The following ADCY2 variants were observed in gnomAD, a reference collection of about 807,000 sequenced individuals.
ADCY2 encodes the protein adenylate cyclase 2, also known as adenylate cyclase type 2.
Under a neutral mutation model 125.2 loss-of-function variants are expected in ADCY2, and 31 were observed. The observed-to-expected ratio is 0.25, with a 90% CI of 0.19 to 0.33. The LOEUF (loss-of-function observed/expected upper bound fraction) is 0.33, where lower values mean the gene tolerates loss of function less well. Ranked by LOEUF, ADCY2 falls within the 10% of genes least tolerant of loss-of-function variation. The pLI is 1.00. For missense variants in ADCY2, 904 were observed against 1,418.2 expected, an observed-to-expected ratio of 0.64 and a Z score of 5.82; for synonymous variants, 512 against 548.4, an observed-to-expected ratio of 0.93 and a Z score of 0.93.
intron 2 of ADCY2, among the ~76,000 whole-genome samples, chr5:7,420,746 T>C (rs1740170408): frequency 6.6e-6 from 1 of 152,190 alleles, no homozygotes; most frequent in Non-Finnish European, 1.5e-5. Context: ...CGGGGCAGCA[T>C]TTGCATTTGA....
At chr5:7,727,541 C>A (rs189770188) in intron 14 of ADCY2, among the ~76,000 whole-genome samples, 6 of 152,182 alleles carry the variant, frequency 3.9e-5, no homozygotes, top group African/African-American at 1.4e-4. Context: ...TACTCTGATG[C>A]GCAGTCTAGG....
At chr5:7,459,046 G>C (rs1050182483) in intron 2 of ADCY2, among the ~76,000 whole-genome samples, 2 of 152,188 alleles carry the variant, frequency 1.3e-5, no homozygotes, top group African/African-American at 4.8e-5. Context: ...TCTGTGCGTT[G>C]GCTGGGATTT....
chr5:7,581,477 A>T (rs1239891308), intron 3 of ADCY2, among the ~76,000 whole-genome samples: 2 of 150,454 alleles, frequency 1.3e-5, no homozygotes, highest in African/African-American at 2.4e-5. Flanking sequence ...AATCCAATCA[A>T]TTAATTGAAA....
intron 4 of ADCY2, among the ~76,000 whole-genome samples, chr5:7,640,623 T>C (rs140863304): frequency 1.8e-4 from 28 of 152,356 alleles, no homozygotes; most frequent in Middle Eastern, 3.4e-3. Flanking sequence ...GTTTCTCATG[T>C]AAATTAGCAT....
At position 7,641,231 on chromosome 5, in the gene ADCY2, A is replaced by T. The variant is rs141520600; in HGVS notation, c.720+14915A>T. Among the ~76,000 whole-genome samples, 7 of 152,310 alleles carry T rather than the reference A, an allele frequency of 4.6e-5. No individual in the cohort carries two copies. The East Asian group carries it at 1.4e-3, about 29-fold the overall frequency. On this transcript the variant is annotated intron_variant, in intron 4 of 24. Coordinates refer to ENST00000338316, the MANE Select transcript of ADCY2 (RefSeq NM_020546.3). ...CATTCAGTACCTGACAAAGATGTGGATAGTTTTGTAGATTACATGGCAGCC... is the reference window on the plus strand; with the variant it reads ...CATTCAGTACCTGACAAAGATGTGGTTAGTTTTGTAGATTACATGGCAGCC...
chr5:7,519,429 C>T (rs1189907725), intron 2 of ADCY2, among the ~76,000 whole-genome samples: 1 of 152,166 alleles, frequency 6.6e-6, no homozygotes, highest in South Asian at 2.1e-4. Context: ...GGCATGCTTT[C>T]CTTAGCTTCC....
intron 3 of ADCY2, among the ~76,000 whole-genome samples, chr5:7,580,299 T>A (rs1736387537): frequency 6.6e-6 from 1 of 152,132 alleles, no homozygotes; most frequent in African/African-American, 2.4e-5. Flanking sequence ...ATAATCACTC[T>A]AAAAATATAA....
chr5:7,802,441 T>C lies in ADCY2; in HGVS notation c.2775+77T>C. Reference sequence around the variant, plus strand: ...CTGTGCACTTGAAGTTACTTCAGGATAGTGGCCTATCCCAAAAAAACTTGT... The same window carrying C: ...CTGTGCACTTGAAGTTACTTCAGGACAGTGGCCTATCCCAAAAAAACTTGT... On this transcript the variant is annotated intron_variant, in intron 21 of 24. Transcript: ENST00000338316. This position sits in a 1 kb window ranked among gnomAD's most constrained non-coding sequence, Gnocchi z 4.6. 6.6e-7 allele frequency: 1 copy of C among 1,507,428 alleles called. No homozygotes were observed. The highest frequency in any genetic ancestry group is 1.3e-5 in the South Asian group (1 of 75,212). The allele number at this position is 1,507,428 out of a possible 1,614,324, so 93.4% of individuals were successfully genotyped here. A position where few individuals can be genotyped will look rare whatever the true frequency, so the allele number is the denominator to read the frequency against.
At chr5:7,743,637 C>T (rs1742510475) in intron 14 of ADCY2, 31 bp from the exon 15 acceptor site, 1 of 1,602,014 alleles carries the variant, frequency 6.2e-7, no homozygotes, top group Non-Finnish European at 8.6e-7. Context: ...ACGATCTCCA[C>T]CCTGACTTGC....
In ADCY2 at chr5:7,802,230, C is replaced by G; in HGVS notation, c.2641C>G (p.Gln881Glu). Residue 881 changes from glutamine to glutamate, a missense_variant, in exon 21 of 25, where the codon CAG becomes GAG. This residue lies in a region of ADCY2 where 181 missense variants were observed against 381.6 expected (regional missense o/e 0.47). Transcript: ENST00000338316. The surrounding 1 kb of genome is among the most constrained non-coding windows in gnomAD (Gnocchi z 4.6). Reference protein sequence around the residue: ...RSLKNEELYHQSYDCVCVMFA... With the variant: ...RSLKNEELYHESYDCVCVMFA... ...TTCTCCCAAGCAGGAGCTATACCAC[C>G]AGTCCTATGACTGCGTCTGCGTCAT... 6.2e-7 allele frequency: 1 copy of G among 1,613,730 alleles called. No homozygotes were observed. The highest frequency in any genetic ancestry group is 8.5e-7 in the Non-Finnish European group (1 of 1,179,854).
At chr5:7,764,328 T>C (rs534065644) in intron 16 of ADCY2, among the ~76,000 whole-genome samples, 1 of 152,356 alleles carries the variant, frequency 6.6e-6, no homozygotes, top group African/African-American at 2.4e-5. Context: ...TTGAGAATGT[T>C]GTCACTTGAT....
Position 7,396,609 on chromosome 5 carries a change from G to GCTCC in ADCY2, c.210+104_210+105insTCCC. 1 of 647,844 alleles carries GCTCC rather than the reference G, an allele frequency of 1.5e-6. No homozygotes were observed. The highest frequency in any genetic ancestry group is 2.1e-6 in the Non-Finnish European group (1 of 480,634). The allele number at this position is 647,844 out of a possible 1,614,324, so 40.1% of individuals were successfully genotyped here. A position where few individuals can be genotyped will look rare whatever the true frequency, so the allele number is the denominator to read the frequency against. ...GCTCCGGGCTGCCCCTCGGCCCGCGGCAGCCCCTCGGCCCGCGGCAGCCCC... is the reference window on the plus strand; with the variant it reads ...GCTCCGGGCTGCCCCTCGGCCCGCGGCTCCCAGCCCCTCGGCCCGCGGCAGCCCC... On this transcript the variant is annotated intron_variant, in intron 1 of 24. Coordinates refer to ENST00000338316, the MANE Select transcript of ADCY2 (RefSeq NM_020546.3). The surrounding 1 kb of genome is among the most constrained non-coding windows in gnomAD (Gnocchi z 5.7).
At chr5:7,733,584 GGA>G (rs1742167683) in intron 14 of ADCY2, among the ~76,000 whole-genome samples, 1 of 152,224 alleles carries the variant, frequency 6.6e-6, no homozygotes, top group East Asian at 1.9e-4. Context: ...CACACAAAAG[GGA>G]GTTTGTGACC....
At chr5:7,728,115 A>G (rs910811471) in intron 14 of ADCY2, among the ~76,000 whole-genome samples, 1 of 152,020 alleles carries the variant, frequency 6.6e-6, no homozygotes, top group African/African-American at 2.4e-5. Context: ...ACCATTTTCA[A>G]TCTAGTAGAA....
intron 10 of ADCY2, among the ~76,000 whole-genome samples, chr5:7,710,524 G>A (rs1741406553): frequency 6.6e-6 from 1 of 152,220 alleles, no homozygotes; most frequent in African/African-American, 2.4e-5. Context: ...GTCTCAGAGG[G>A]AGAAATGAGT....
intron 2 of ADCY2, among the ~76,000 whole-genome samples, chr5:7,506,569 A>G (rs948115953): frequency 4.6e-5 from 7 of 152,182 alleles, no homozygotes; most frequent in African/African-American, 1.4e-4. Context: ...ATTTGTTTTG[A>G]TGGAATCGTC....
chr5:7,622,621 T>C (rs1202050070), intron 3 of ADCY2, among the ~76,000 whole-genome samples: 1 of 152,248 alleles, frequency 6.6e-6, no homozygotes, highest in Non-Finnish European at 1.5e-5. Context: ...GCTGTGGCAG[T>C]GCAAGTGTGC....
At chr5:7,822,338 T>C (rs959644986) in intron 24 of ADCY2, among the ~76,000 whole-genome samples, 1 of 152,332 alleles carries the variant, frequency 6.6e-6, no homozygotes, top group African/African-American at 2.4e-5. Flanking sequence ...ATCCACTTAA[T>C]ATATTTTGGT....
intron 10 of ADCY2, among the ~76,000 whole-genome samples, chr5:7,711,511 T>C (rs4235584): frequency 0.97 from 148,186 of 152,290 alleles, 72,223 homozygotes; most frequent in Middle Eastern, 1. Flanking sequence ...TGTGTTCCTG[T>C]GGGGAAAAGG....
Sources: gnomAD v4.1 joint callset for allele counts (sites outside exome capture counted in the v4.1 genomes callset) on GRCh38, gnomAD v4.1.1 for gene constraint, gnomAD v4.1.1 regional missense constraint, Gnocchi (gnomAD v3.1) non-coding constraint, MANE v1.5 for transcripts, NCBI Gene and HGNC (gene_info 2026-07-23, HGNC 2026-07-21) for gene names.